TSPEAR: variants seen among roughly 807,000 people sequenced by gnomAD.
The protein encoded by TSPEAR is thrombospondin-type laminin G domain and EAR repeat-containing protein.
Under a neutral mutation model 71.6 loss-of-function variants are expected in TSPEAR, and 69 were observed. That is an observed-to-expected ratio of 0.96 (90% CI 0.79 to 1.18). TSPEAR has a LOEUF of 1.18. TSPEAR is among the 50% of genes most tolerant of loss of function. The probability of loss-of-function intolerance (pLI) is 0.00; values close to 1 mark genes in which losing one functional copy is unlikely to be tolerated. For missense variants in TSPEAR, 971 were observed against 894.9 expected (o/e 1.09, Z -1.09); for synonymous variants, 402 against 387.2 (o/e 1.04, Z -0.45).
intron 1 of TSPEAR, among the ~76,000 whole-genome samples, chr21:44,681,264 C>G (rs868988009): frequency 6.6e-6 from 1 of 152,246 alleles, no homozygotes; most frequent in Non-Finnish European, 1.5e-5. Flanking sequence ...AAGCCCGATC[C>G]TCAGTGCTCT....
Position 44,677,630 on chromosome 21 carries a change from A to T in TSPEAR, c.82+33803T>A, listed in dbSNP as rs1359850246. On this transcript the variant is annotated intron_variant, in intron 1 of 11. Transcript: ENST00000323084. ...GGTGATCAGTTTTTAAAGATTCCTC[A>T]TGCTGAACCCCAGGGACCAACACTG... 6 of 1,167,592 alleles carry T rather than the reference A, an allele frequency of 5.1e-6. No homozygotes were observed. The African/African-American group carries it at 7.5e-5, about 15-fold the overall frequency. 72.3% of individuals were successfully genotyped at this position (1,167,592 alleles called of 1,614,324 possible).
intron 1 of TSPEAR, among the ~76,000 whole-genome samples, chr21:44,674,750 G>A (rs1385713940): frequency 1.3e-3 from 194 of 144,152 alleles, no homozygotes; most frequent in African/African-American, 4.8e-3. Flanking sequence ...GTGTGTGTGT[G>A]TGTGTGTGTG....
intron 2 of TSPEAR, among the ~76,000 whole-genome samples, chr21:44,534,519 C>A (rs1235544154): frequency 6.6e-6 from 1 of 151,542 alleles, no homozygotes; most frequent in Non-Finnish European, 1.5e-5. Flanking sequence ...GGCTGCTGGG[C>A]CAGGGGCAAG....
chr21:44,682,487 G>A (rs1046742284), intron 1 of TSPEAR, among the ~76,000 whole-genome samples: 6 of 152,126 alleles, frequency 3.9e-5, no homozygotes, highest in Admixed American at 6.5e-5. Context: ...AGAGCTCCTC[G>A]AACCGCAACT....
chr21:44,527,340 G>C lies in TSPEAR; in HGVS notation c.1101C>G (p.Ile367Met), dbSNP rs782368233. The part of the protein sequence containing the change: ...TEEKFVSYQN[I>M]PTHQAQAWRH... Reference sequence around the variant, plus strand: ...TCCAGGCCTGTGCTTGGTGCGTGGGGATGTTCTGATATGAGACGAACTTCT... The same window carrying C: ...TCCAGGCCTGTGCTTGGTGCGTGGGCATGTTCTGATATGAGACGAACTTCT... Residue 367 changes from isoleucine to methionine, a missense_variant, in exon 7 of 12, where the codon ATC (isoleucine) becomes ATG (methionine). Physicochemically the swap from Ile to Met is conservative, Grantham distance 10. Coordinates refer to ENST00000323084, the MANE Select transcript of TSPEAR (RefSeq NM_144991.3). 1 of 1,614,212 alleles carries C rather than the reference G, an allele frequency of 6.2e-7. No individual in the cohort carries two copies. Among genetic ancestry groups the C allele is most frequent in the Non-Finnish European group, 8.5e-7 (1 of 1,180,046 alleles).
intron 5 of TSPEAR, among the ~76,000 whole-genome samples, chr21:44,529,165 CG>C (rs2052916287): frequency 6.6e-6 from 1 of 152,182 alleles, no homozygotes; most frequent in South Asian, 2.1e-4. Flanking sequence ...CCCTGAGGCT[CG>C]GGGGCTCGGC....
At chr21:44,604,488 T>A (rs1981185490) in intron 1 of TSPEAR, among the ~76,000 whole-genome samples, 1 of 152,056 alleles carries the variant, frequency 6.6e-6, no homozygotes, top group African/African-American at 2.4e-5. Flanking sequence ...TAGACTTACA[T>A]GTCAAAGATA....
chr21:44,646,402 A>ACACACACT (rs1984363922), intron 1 of TSPEAR: 5 of 1,553,318 alleles, frequency 3.2e-6, no homozygotes. Flanking sequence ...ACTCACTCAC[A>ACACACACT]CACACACTCA....
At chr21:44,688,658 G>A (rs1403839280) in intron 1 of TSPEAR, among the ~76,000 whole-genome samples, 18 of 152,052 alleles carry the variant, frequency 1.2e-4, no homozygotes, top group Non-Finnish European at 5.9e-5. Flanking sequence ...GCAGTGAGCC[G>A]AGATCGCCCC....
intron 1 of TSPEAR, among the ~76,000 whole-genome samples, chr21:44,656,950 C>G (rs587622453): frequency 1.3e-5 from 2 of 152,084 alleles, no homozygotes; most frequent in Admixed American, 6.5e-5. Flanking sequence ...AATCCCAGAC[C>G]CCCCCAGCAT....
At chr21:44,616,073 G>T (rs1982074209) in intron 1 of TSPEAR, among the ~76,000 whole-genome samples, 1 of 152,202 alleles carries the variant, frequency 6.6e-6, no homozygotes, top group Admixed American at 6.5e-5. Flanking sequence ...ACAGAGGTCG[G>T]CAGCACCTGG....
At chr21:44,702,858 T>A in intron 1 of TSPEAR, 1 of 857,512 alleles carries the variant, frequency 1.2e-6, no homozygotes, top group Non-Finnish European at 1.9e-6. Flanking sequence ...CTCCCACTGC[T>A]GACCTCTCAG....
At position 44,696,481 on chromosome 21, in the gene TSPEAR, A is replaced by T. The variant is rs1987338377; in HGVS notation, c.82+14952T>A. On this transcript the variant is annotated intron_variant, in intron 1 of 11. Coordinates refer to ENST00000323084, the MANE Select transcript of TSPEAR (RefSeq NM_144991.3). ...GGGATAATAACAGCCCCTACTTTACAAGGTTGATGTATGGGTTAGTGAGGT... is the reference window on the plus strand; with the variant it reads ...GGGATAATAACAGCCCCTACTTTACTAGGTTGATGTATGGGTTAGTGAGGT... 2.0e-5 allele frequency among the ~76,000 whole-genome samples: 3 copies of T among 152,334 alleles called. No individual in the cohort carries two copies. In the South Asian group the frequency reaches 6.2e-4, roughly 32 times the overall value.
intron 2 of TSPEAR, among the ~76,000 whole-genome samples, chr21:44,563,332 C>T (rs1367634397): frequency 1.3e-5 from 2 of 151,968 alleles, no homozygotes; most frequent in Non-Finnish European, 2.9e-5. Context: ...TATATAACAA[C>T]AAGACTACAA....
At chr21:44,634,399 G>A (rs1029962546) in intron 1 of TSPEAR, among the ~76,000 whole-genome samples, 4 of 152,176 alleles carry the variant, frequency 2.6e-5, no homozygotes, top group Non-Finnish European at 5.9e-5. Flanking sequence ...AAACATAAGA[G>A]TAAATATGTA....
chr21:44,582,414 G>A (rs1232209427), intron 1 of TSPEAR, among the ~76,000 whole-genome samples: 1 of 152,218 alleles, frequency 6.6e-6, no homozygotes, highest in African/African-American at 2.4e-5. Context: ...AGGTGGTCCT[G>A]AGCCAGCGGG....
Position 44,498,162 on chromosome 21 carries a change from A to T in TSPEAR, c.*1621T>A, listed in dbSNP as rs1313939066. The T allele has an allele frequency of 2.0e-5, 3 of 152,250 alleles. No homozygotes were observed. Among genetic ancestry groups the T allele is most frequent in the African/African-American group, 4.8e-5 (2 of 41,444 alleles). The allele number at this position is 152,250 out of a possible 1,614,324, so 9.4% of individuals were successfully genotyped here. On this transcript the variant is annotated 3_prime_UTR_variant, in exon 12 of 12. Transcript: ENST00000323084. ...GGGCACACAGAGCAGCCACTAGTGG[A>T]GATGCTGACCCTCTCATCTGCAGCT...
rs1307836378 is a variant in TSPEAR at position 44,546,853 on chromosome 21, CTT to C, written c.304-12932_304-12931del. Among the ~76,000 whole-genome samples the C allele has an allele frequency of 6.6e-6, 1 of 152,210 alleles. No homozygotes were observed. The highest frequency in any genetic ancestry group is 1.5e-5 in the Non-Finnish European group (1 of 68,044). ...TTACACTGTGTTTTTGTGTGATTCT[CTT>C]TGAGTTTATTCTACTTGGGGTTCAC... On this transcript the variant is annotated intron_variant, in intron 2 of 11. Transcript: ENST00000323084. This position sits in a 1 kb window ranked among gnomAD's most constrained non-coding sequence, Gnocchi z 4.4.
At chr21:44,654,689 C>A in intron 1 of TSPEAR, 2 of 1,042,974 alleles carry the variant, frequency 1.9e-6, no homozygotes, top group Non-Finnish European at 2.8e-6. Context: ...GGCCTTTATA[C>A]CCAGGCTACC....
Sources: gnomAD v4.1 joint callset for allele counts (sites outside exome capture counted in the v4.1 genomes callset) on GRCh38, gnomAD v4.1.1 for gene constraint, Gnocchi (gnomAD v3.1) non-coding constraint, MANE v1.5 for transcripts, NCBI Gene and HGNC (gene_info 2026-07-23, HGNC 2026-07-21) for gene names.